KIRREL3: variants seen among roughly 807,000 people sequenced by gnomAD.
KIRREL3 encodes the protein kin of IRRE-like protein 3.
Under a neutral mutation model 89.7 loss-of-function variants are expected in KIRREL3, and 36 were observed. The ratio of observed to expected loss-of-function variants is 0.40; its 90% CI spans 0.31 to 0.53. The LOEUF is 0.53. Among genes scored for constraint, KIRREL3 ranks in the 20% least tolerant of loss-of-function variants. The probability of loss-of-function intolerance (pLI) is 0.49; values close to 1 mark genes in which losing one functional copy is unlikely to be tolerated. For missense variants in KIRREL3, 864 were observed against 1,056.6 expected (o/e 0.82, Z 2.53); for synonymous variants, 445 against 441.4 (o/e 1.01, Z -0.10).
chr11:126,557,897 T>A lies in KIRREL3; in HGVS notation c.133+4938A>T, dbSNP rs926587511. Reference sequence around the variant, plus strand: ...TGGAACCAGCTTTCCCCTTCCTGGGTGCTCCAGCTCTTCCCACACAGGGTA... The same window carrying A: ...TGGAACCAGCTTTCCCCTTCCTGGGAGCTCCAGCTCTTCCCACACAGGGTA... On this transcript the variant is annotated intron_variant, in intron 2 of 16. Transcript: ENST00000525144. This position sits in a 1 kb window ranked among gnomAD's most constrained non-coding sequence, Gnocchi z 5.6. 6.6e-6 allele frequency among the ~76,000 whole-genome samples: 1 copy of A among 152,174 alleles called. No individual in the cohort carries two copies. Among genetic ancestry groups the A allele is most frequent in the Non-Finnish European group, 1.5e-5 (1 of 68,024 alleles).
rs148970500 is a variant in KIRREL3, at chr11:126,640,944, A to T, written c.56-78032T>A. Among the ~76,000 whole-genome samples, 122 of 152,076 alleles carry T rather than the reference A, an allele frequency of 8.0e-4. No individual in the cohort carries two copies. Among genetic ancestry groups the T allele is most frequent in the Admixed American group, 3.6e-3 (55 of 15,270 alleles). On this transcript the variant is annotated intron_variant, in intron 1 of 16. Coordinates refer to ENST00000525144, the MANE Select transcript of KIRREL3 (RefSeq NM_032531.4). This position sits in a 1 kb window ranked among gnomAD's most constrained non-coding sequence, Gnocchi z 4.9. ...TCTCAATTTTGTATCCACAGCCTAG[A>T]CCACCCCCTAAACTCTGGACTCATC...
At chr11:126,961,185 T>C (rs1468265750) in intron 1 of KIRREL3, among the ~76,000 whole-genome samples, 1 of 152,200 alleles carries the variant, frequency 6.6e-6, no homozygotes, top group Non-Finnish European at 1.5e-5. Context: ...AGTGTTCAAG[T>C]GAAAGAGTCG....
intron 1 of KIRREL3, among the ~76,000 whole-genome samples, chr11:126,673,195 A>C (rs1193897300): frequency 6.6e-6 from 1 of 152,272 alleles, no homozygotes; most frequent in African/African-American, 2.4e-5. Flanking sequence ...AATGCAGATG[A>C]TCAGATAAAC....
chr11:126,680,397 G>GATATATATATATATATATATATATAT lies in KIRREL3; in HGVS notation c.56-117486_56-117485insATATATATATATATATATATATATAT, dbSNP rs150251599. Among the ~76,000 whole-genome samples, 98 of 144,126 alleles carry GATATATATATATATATATATATATAT rather than the reference G, an allele frequency of 6.8e-4. 1 individual carries two copies. The highest frequency in any genetic ancestry group is 2.5e-3 in the African/African-American group (95 of 37,668). 94.6% of individuals were successfully genotyped at this position (144,126 alleles called of 152,430 possible). ...AATGCTCATCAACTCTTCTACTGGA[G>GATATATATATATATATATATATATAT]ATATATATATATATATATACACATA... On this transcript the variant is annotated intron_variant, in intron 1 of 16. Coordinates refer to ENST00000525144, the MANE Select transcript of KIRREL3 (RefSeq NM_032531.4).
chr11:126,456,163 G>A (rs564118701), intron 7 of KIRREL3, among the ~76,000 whole-genome samples, 186 bp downstream of exon 7: 29 of 149,846 alleles, frequency 1.9e-4, no homozygotes, highest in Non-Finnish European at 3.7e-4. Context: ...ACGCACAGAG[G>A]AGAGGAAGGG....
intron 1 of KIRREL3, among the ~76,000 whole-genome samples, chr11:126,720,536 G>GA (rs1487636717): frequency 3.9e-5 from 6 of 152,302 alleles, no homozygotes; most frequent in African/African-American, 1.4e-4. Flanking sequence ...TTAGGTGGGT[G>GA]AAAAATTGCA....
chr11:126,438,481 C>T (rs958925142), intron 11 of KIRREL3, among the ~76,000 whole-genome samples: 1 of 152,004 alleles, frequency 6.6e-6, no homozygotes, highest in African/African-American at 2.4e-5. Context: ...GCACCCTGGC[C>T]TCTACACACC....
intron 5 of KIRREL3, among the ~76,000 whole-genome samples, chr11:126,464,294 G>A (rs1956644991): frequency 7.0e-6 from 1 of 143,104 alleles, no homozygotes; most frequent in African/African-American, 2.6e-5. Flanking sequence ...GATTGCTTGA[G>A]CCTAGGACTT....
At chr11:126,439,776 T>C (rs1955490054) in intron 11 of KIRREL3, among the ~76,000 whole-genome samples, 1 of 151,016 alleles carries the variant, frequency 6.6e-6, no homozygotes, top group Non-Finnish European at 1.5e-5. Context: ...CGAGATTGTG[T>C]CACTGCACTC....
At chr11:126,846,834 G>T (rs1944159303) in intron 1 of KIRREL3, among the ~76,000 whole-genome samples, 1 of 152,130 alleles carries the variant, frequency 6.6e-6, no homozygotes, top group African/African-American at 2.4e-5. Context: ...CTGAACAGTT[G>T]AACAAATTGT....
Position 126,523,795 on chromosome 11 carries a change from A to T in KIRREL3, c.284-2331T>A, listed in dbSNP as rs1163612162. The stretch of plus-strand genomic sequence containing the variant: ...CTCTGGATCCCACTATCCTGTGATT[A>T]GTCCCTGGTCTCCTGCAGGCATCTT... On this transcript the variant is annotated intron_variant, in intron 3 of 16. Coordinates refer to ENST00000525144, the MANE Select transcript of KIRREL3 (RefSeq NM_032531.4). This position sits in a 1 kb window ranked among gnomAD's most constrained non-coding sequence, Gnocchi z 4.9. 6.6e-6 allele frequency among the ~76,000 whole-genome samples: 1 copy of T among 152,142 alleles called. No homozygotes were observed. The highest frequency in any genetic ancestry group is 1.9e-4 in the East Asian group (1 of 5,180).
In KIRREL3 at chr11:126,498,544, C is replaced by T. The variant is rs369473730; in HGVS notation, c.433+22771G>A. 6.3e-4 allele frequency among the ~76,000 whole-genome samples: 96 copies of T among 152,240 alleles called. 2 individuals carry two copies. The South Asian group carries it at 0.019, about 30-fold the overall frequency. On this transcript the variant is annotated intron_variant, in intron 4 of 16. Coordinates refer to ENST00000525144, the MANE Select transcript of KIRREL3 (RefSeq NM_032531.4). The surrounding 1 kb of genome is among the most constrained non-coding windows in gnomAD (Gnocchi z 4.3). The stretch of plus-strand genomic sequence containing the variant: ...TCTAATTAGTAATTATAAAAGATCC[C>T]GACTAGAAATTGTTTTCAGTTAAAT...
Position 126,908,898 on chromosome 11 carries a change from A to C in KIRREL3, c.55+91557T>G, listed in dbSNP as rs1048500796. 2.0e-5 allele frequency among the ~76,000 whole-genome samples: 3 copies of C among 152,162 alleles called. No homozygotes were observed. Among genetic ancestry groups the C allele is most frequent in the African/African-American group, 7.2e-5 (3 of 41,426 alleles). ...AGTCTCTGATATAAAGTAGTGTAGT[A>C]TTTGCATATAACCTAAGCACATACA... On this transcript the variant is annotated intron_variant, in intron 1 of 16. Coordinates refer to ENST00000525144, the MANE Select transcript of KIRREL3 (RefSeq NM_032531.4). This position sits in a 1 kb window ranked among gnomAD's most constrained non-coding sequence, Gnocchi z 4.2.
chr11:126,469,685 CAGTT>C (rs1662395085), intron 5 of KIRREL3, among the ~76,000 whole-genome samples: 2 of 152,192 alleles, frequency 1.3e-5, no homozygotes, highest in South Asian at 2.1e-4. Flanking sequence ...GTGGGGTGGA[CAGTT>C]AGGATGGTGG....
intron 2 of KIRREL3, among the ~76,000 whole-genome samples, chr11:126,548,420 C>A (rs1938990487): frequency 6.6e-6 from 1 of 152,214 alleles, no homozygotes; most frequent in Non-Finnish European, 1.5e-5. Context: ...AACACCCTCA[C>A]CCAGCAGCAC....
At chr11:126,625,355 A>T (rs1943738694) in intron 1 of KIRREL3, among the ~76,000 whole-genome samples, 1 of 152,218 alleles carries the variant, frequency 6.6e-6, no homozygotes. Flanking sequence ...GAAACAAGCG[A>T]CATTTTCTTC....
intron 4 of KIRREL3, among the ~76,000 whole-genome samples, chr11:126,517,136 A>AAAAGAGAGAGAGAGAGAGAG (rs1958437412): frequency 7.1e-6 from 1 of 140,812 alleles, no homozygotes; most frequent in Admixed American, 7.1e-5. Flanking sequence ...GAGAGAGAGA[A>AAAAGAGAGAGAGAGAGAGAG]AGAGAGAGAG....
intron 4 of KIRREL3, among the ~76,000 whole-genome samples, chr11:126,505,458 C>T (rs953613895): frequency 1.8e-4 from 27 of 152,080 alleles, no homozygotes; most frequent in African/African-American, 5.6e-4. Flanking sequence ...GTAATCCCAG[C>T]TACTCAGGAG....
rs1222322145 is a variant in KIRREL3, at chr11:126,523,039, A to C, written c.284-1575T>G. On this transcript the variant is annotated intron_variant, in intron 3 of 16. Transcript: ENST00000525144. This position sits in a 1 kb window ranked among gnomAD's most constrained non-coding sequence, Gnocchi z 4.9. ...AGAGCTCGCCTCAAGTATTTCAAAG[A>C]ATCTCTCAGTGTGGGTTGGGCATGT... Among the ~76,000 whole-genome samples the C allele has an allele frequency of 6.6e-6, 1 of 152,202 alleles. No homozygotes were observed. Among genetic ancestry groups the C allele is most frequent in the African/African-American group, 2.4e-5 (1 of 41,450 alleles).
Sources: gnomAD v4.1 joint callset for allele counts (sites outside exome capture counted in the v4.1 genomes callset) on GRCh38, gnomAD v4.1.1 for gene constraint, Gnocchi (gnomAD v3.1) non-coding constraint, MANE v1.5 for transcripts, NCBI Gene and HGNC (gene_info 2026-07-23, HGNC 2026-07-21) for gene names.